The following ABTB2 variants were observed in gnomAD, a reference collection of about 807,000 sequenced individuals.
ABTB2 encodes ankyrin repeat and BTB domain containing 2, also known as ankyrin repeat and BTB/POZ domain-containing protein 2.
Under a neutral mutation model 104.1 loss-of-function variants are expected in ABTB2, and 56 were observed. The ratio of observed to expected loss-of-function variants is 0.54; its 90% CI spans 0.43 to 0.67. ABTB2 has a LOEUF of 0.67. Among genes scored for constraint, ABTB2 ranks in the 30% least tolerant of loss-of-function variants. The pLI is 0.00. For missense variants in ABTB2, 1,279 were observed against 1,407.7 expected (o/e 0.91, Z 1.46); for synonymous variants, 606 against 608.2 (o/e 1.00, Z 0.05).
intron 1 of ABTB2, among the ~76,000 whole-genome samples, chr11:34,278,031 C>T (rs1243887309): frequency 6.6e-6 from 1 of 151,796 alleles, no homozygotes; most frequent in South Asian, 2.1e-4. Context: ...TCTCAAACTC[C>T]TGACCTTGTG....
chr11:34,236,314 G>A (rs978093170), intron 1 of ABTB2, among the ~76,000 whole-genome samples: 1 of 152,170 alleles, frequency 6.6e-6, no homozygotes, highest in Non-Finnish European at 1.5e-5. Context: ...TTCTTCCTTT[G>A]CTCTTGTTGT....
intron 1 of ABTB2, among the ~76,000 whole-genome samples, chr11:34,334,543 C>G (rs1245972450): frequency 1.3e-5 from 2 of 152,144 alleles, no homozygotes; most frequent in Admixed American, 6.5e-5. Context: ...GGTTCATGAC[C>G]ATTTTTAATT....
At chr11:34,267,142 C>T (rs1281676847) in intron 1 of ABTB2, among the ~76,000 whole-genome samples, 3 of 152,138 alleles carry the variant, frequency 2.0e-5, no homozygotes, top group Non-Finnish European at 2.9e-5. Context: ...ACGTGCACGT[C>T]GGATGCTGCC....
chr11:34,204,456 A>C, intron 2 of ABTB2, 88 bp downstream of exon 2: 2 of 1,451,706 alleles, frequency 1.4e-6, no homozygotes, highest in Non-Finnish European at 1.8e-6. Context: ...CACTTGGAGG[A>C]GGAGGAGGCG....
intron 1 of ABTB2, among the ~76,000 whole-genome samples, chr11:34,207,349 G>A (rs1397949429): frequency 6.6e-6 from 1 of 152,222 alleles, no homozygotes; most frequent in Non-Finnish European, 1.5e-5. Context: ...AACAGGAGCT[G>A]TCAGCTCCAT....
chr11:34,239,458 G>A (rs1282832485), intron 1 of ABTB2, among the ~76,000 whole-genome samples: 1 of 152,030 alleles, frequency 6.6e-6, no homozygotes. Flanking sequence ...AGCCTCCTGA[G>A]TAGCTGAGAC....
At chr11:34,207,961 C>T (rs942708317) in intron 1 of ABTB2, among the ~76,000 whole-genome samples, 5 of 152,186 alleles carry the variant, frequency 3.3e-5, no homozygotes, top group African/African-American at 1.2e-4. Flanking sequence ...CTGGAGGCCT[C>T]CCATGAAACT....
At chr11:34,157,182 T>G (rs566511282) in intron 14 of ABTB2, among the ~76,000 whole-genome samples, 1 of 152,222 alleles carries the variant, frequency 6.6e-6, no homozygotes, top group Admixed American at 6.5e-5. Flanking sequence ...AAGTCGGAGC[T>G]GAGGTCTGGA....
intron 1 of ABTB2, among the ~76,000 whole-genome samples, chr11:34,272,796 T>C (rs773965705): frequency 1.8e-4 from 27 of 150,836 alleles, no homozygotes; most frequent in African/African-American, 5.9e-4. Context: ...TTATCGTATA[T>C]ATGGTTTATT....
intron 1 of ABTB2, among the ~76,000 whole-genome samples, chr11:34,209,742 T>G (rs1293999438): frequency 7.4e-4 from 7 of 9,406 alleles, no homozygotes; most frequent in African/African-American, 2.1e-3. Context: ...GGGGTGGGGG[T>G]GGGGGTAGGG....
At chr11:34,329,965 C>T (rs948356092) in intron 1 of ABTB2, among the ~76,000 whole-genome samples, 3 of 152,232 alleles carry the variant, frequency 2.0e-5, no homozygotes, top group Non-Finnish European at 2.9e-5. Flanking sequence ...TCCCAGAACT[C>T]CGTCCCATCT....
rs571899718 is a variant in ABTB2 at position 34,325,416 on chromosome 11, C to T, written c.883+31285G>A. 1.5e-4 allele frequency among the ~76,000 whole-genome samples: 23 copies of T among 152,216 alleles called. No individual in the cohort carries two copies. In the South Asian group the frequency reaches 1.9e-3, roughly 12 times the overall value. ...GGCCCAAAGTTCTGCTATCTGCTGC[C>T]GACGTGACCTTAGGCAAGTTAAGCT... is the stretch of plus-strand genomic sequence containing the variant. On this transcript the variant is annotated intron_variant, in intron 1 of 16. Transcript: ENST00000435224.
At chr11:34,341,563 G>A (rs1002862525) in intron 1 of ABTB2, among the ~76,000 whole-genome samples, 5 of 152,204 alleles carry the variant, frequency 3.3e-5, no homozygotes, top group African/African-American at 7.2e-5. Flanking sequence ...CACATATGAC[G>A]AGGGAGCACA....
intron 1 of ABTB2, among the ~76,000 whole-genome samples, chr11:34,287,159 C>T (rs996471046): frequency 7.6e-6 from 1 of 132,378 alleles, no homozygotes; most frequent in African/African-American, 2.8e-5. Context: ...CCAGCCTGGG[C>T]AACATAGTAA....
intron 1 of ABTB2, among the ~76,000 whole-genome samples, chr11:34,229,273 G>C (rs1405107001): frequency 6.6e-6 from 1 of 151,848 alleles, no homozygotes; most frequent in African/African-American, 2.4e-5. Context: ...ACAAAGTCAG[G>C]AGATCAAGAC....
Position 34,259,530 on chromosome 11 carries a change from A to G in ABTB2, c.884-54840T>C, listed in dbSNP as rs569995188. Reference sequence around the variant, plus strand: ...CCCCTACTCAGCTCCCCTCCTTCTCAGAAATAGTCAGGTATTCTCCTCTGG... The same window carrying G: ...CCCCTACTCAGCTCCCCTCCTTCTCGGAAATAGTCAGGTATTCTCCTCTGG... On this transcript the variant is annotated intron_variant, in intron 1 of 16. Transcript: ENST00000435224. Among the ~76,000 whole-genome samples the G allele has an allele frequency of 2.0e-3, 310 of 152,326 alleles. 1 individual carries two copies. Among genetic ancestry groups the G allele is most frequent in the Non-Finnish European group, 3.9e-3 (265 of 68,036 alleles).
Position 34,357,880 on chromosome 11 carries a change from C to T in ABTB2, c.-297G>A, listed in dbSNP as rs1855487271. On this transcript the variant is annotated 5_prime_UTR_variant, in exon 1 of 17. Coordinates refer to ENST00000435224, the MANE Select transcript of ABTB2 (RefSeq NM_145804.3). ...CCTCTAATTCCCACAAGCAGAGAGTCAGTCCTCCACAGAGAAGGAATCCCG... is the reference window on the plus strand; with the variant it reads ...CCTCTAATTCCCACAAGCAGAGAGTTAGTCCTCCACAGAGAAGGAATCCCG... The T allele has an allele frequency of 1.5e-5, 5 of 341,590 alleles. No homozygotes were observed. The Admixed American group carries it at 2.3e-4, about 16-fold the overall frequency. The allele number at this position is 341,590 out of a possible 1,614,324, so 21.2% of individuals were successfully genotyped here. A position where few individuals can be genotyped will look rare whatever the true frequency, so the allele number is the denominator to read the frequency against.
chr11:34,247,960 T>A (rs1312987330), intron 1 of ABTB2, among the ~76,000 whole-genome samples: 2 of 152,132 alleles, frequency 1.3e-5, no homozygotes, highest in Admixed American at 6.5e-5. Flanking sequence ...ATATGCTGTG[T>A]ATTACACAAG....
rs574437943 is a variant in ABTB2 at position 34,231,557 on chromosome 11, G to A, written c.884-26867C>T. ...ATCAGTGACAAGTCATGTTGATAGT[G>A]TGTATTCTTCTTATTCTTGTTTTTT... On this transcript the variant is annotated intron_variant, in intron 1 of 16. Transcript: ENST00000435224. Among the ~76,000 whole-genome samples the A allele has an allele frequency of 4.2e-4, 64 of 152,294 alleles. No homozygotes were observed. In the South Asian group the frequency reaches 0.013, roughly 30 times the overall value.
Sources: gnomAD v4.1 joint callset for allele counts (sites outside exome capture counted in the v4.1 genomes callset) on GRCh38, gnomAD v4.1.1 for gene constraint, MANE v1.5 for transcripts, NCBI Gene and HGNC (gene_info 2026-07-23, HGNC 2026-07-21) for gene names.